BAZ2B: variants seen among roughly 807,000 people sequenced by gnomAD.
BAZ2B encodes bromodomain adjacent to zinc finger domain protein 2B.
A neutral mutation model predicts 246.0 loss-of-function variants in BAZ2B; 91 were observed. That is an observed-to-expected ratio of 0.37 (90% CI 0.31 to 0.44). BAZ2B has a LOEUF of 0.44. Ranked by LOEUF, BAZ2B falls within the 20% of genes least tolerant of loss-of-function variation. The pLI, the probability that BAZ2B is intolerant of heterozygous loss-of-function variation, is 1.00. For synonymous variants in BAZ2B, 855 were observed against 860.0 expected, an observed-to-expected ratio of 0.99 and a Z score of 0.10; for missense variants, 2,332 against 2,533.7, an observed-to-expected ratio of 0.92 and a Z score of 1.71.
chr2:159,513,755 G>A (rs534223090), intron 2 of BAZ2B, among the ~76,000 whole-genome samples: 1 of 152,288 alleles, frequency 6.6e-6, no homozygotes, highest in Non-Finnish European at 1.5e-5. Context: ...GGTGGTCCAT[G>A]ACTCCTTACA....
chr2:159,518,217 T>C (rs1448885898), intron 2 of BAZ2B, among the ~76,000 whole-genome samples: 4 of 152,262 alleles, frequency 2.6e-5, no homozygotes, highest in Non-Finnish European at 5.9e-5. Flanking sequence ...AAATTTGATA[T>C]TTGGTTTCAC....
chr2:159,362,914 T>C (rs1009122200), intron 27 of BAZ2B, among the ~76,000 whole-genome samples: 1 of 152,098 alleles, frequency 6.6e-6, no homozygotes, highest in African/African-American at 2.4e-5. Flanking sequence ...TTATCTGTAA[T>C]ATGAGGCAAC....
chr2:159,570,234 G>C (rs145067930), intron 1 of BAZ2B, among the ~76,000 whole-genome samples: 3,024 of 150,976 alleles, frequency 0.02, 48 homozygotes, highest in Non-Finnish European at 0.026. Flanking sequence ...GCCCAGGCTG[G>C]AGTGCAGTGG....
intron 1 of BAZ2B, among the ~76,000 whole-genome samples, chr2:159,603,205 ATACT>A (rs1692590669): frequency 1.3e-5 from 2 of 152,258 alleles, no homozygotes; most frequent in Admixed American, 6.5e-5. Context: ...GTCTTTTAAA[ATACT>A]TAATGACAAG....
At chr2:159,541,192 C>T (rs1416769271) in intron 2 of BAZ2B, among the ~76,000 whole-genome samples, 2 of 152,180 alleles carry the variant, frequency 1.3e-5, no homozygotes, top group East Asian at 1.9e-4. Context: ...CAATTAAAAT[C>T]GGGTTGTTGA....
intron 2 of BAZ2B, among the ~76,000 whole-genome samples, chr2:159,504,626 T>C (rs781759388): frequency 4.6e-4 from 70 of 152,230 alleles, no homozygotes; most frequent in Non-Finnish European, 8.2e-4. Flanking sequence ...CACTAGTTTA[T>C]TTGTGTAAGC....
At chr2:159,387,878 T>C (rs2062826086) in intron 21 of BAZ2B, among the ~76,000 whole-genome samples, 1 of 152,090 alleles carries the variant, frequency 6.6e-6, no homozygotes, top group South Asian at 2.1e-4. Context: ...CTTAGGAAAA[T>C]TTAAATATCC....
At chr2:159,609,945 C>T (rs1694353982) in intron 1 of BAZ2B, among the ~76,000 whole-genome samples, 1 of 152,156 alleles carries the variant, frequency 6.6e-6, no homozygotes, top group African/African-American at 2.4e-5. Context: ...AAGCCAAATC[C>T]CAGCACTATT....
chr2:159,628,429 G>T, the BAZ2B span, among the ~76,000 whole-genome samples: 2 of 152,132 alleles, frequency 1.3e-5, no homozygotes, highest in Admixed American at 1.3e-4. Context: ...ATACTACAAG[G>T]CTACAGTAAT....
chr2:159,502,865 T>C (rs927184496), intron 2 of BAZ2B, among the ~76,000 whole-genome samples: 2 of 152,214 alleles, frequency 1.3e-5, no homozygotes, highest in East Asian at 1.9e-4. Flanking sequence ...CTCGTCCATT[T>C]AGTAATCTTG....
intron 2 of BAZ2B, among the ~76,000 whole-genome samples, chr2:159,527,899 T>C (rs1199607133): frequency 2.6e-5 from 4 of 152,096 alleles, no homozygotes; most frequent in African/African-American, 9.7e-5. Context: ...TGCTCTAAAC[T>C]TGGAAGCCTT....
chr2:159,690,059 T>G, the BAZ2B span: 2 of 442,762 alleles, frequency 4.5e-6, no homozygotes, highest in Non-Finnish European at 8.1e-6. Flanking sequence ...ATGTCTTCAG[T>G]AATCAGTTTG....
At position 159,349,947 on chromosome 2, in the gene BAZ2B, G is replaced by A; in HGVS notation, c.4624C>T (p.Pro1542Ser). Residue 1542 changes from proline to serine, a missense_variant, in exon 28 of 37, where the codon CCT becomes TCT. By Grantham distance (74) the Pro-to-Ser change is moderately conservative. Around this residue, in one of 9 missense-constraint regions of BAZ2B, gnomAD observed 676 missense variants for 668.6 expected, o/e 1.01. Coordinates refer to ENST00000392783, the MANE Select transcript of BAZ2B (RefSeq NM_013450.4). ...GSSGPGKFYS[P>S]LPNDQLLKTL... ...TTTAGTAACTGGTCATTGGGGAGAG[G>A]ACTGTAGAACTTCCCTGGACCACTT... 6.2e-7 allele frequency: 1 copy of A among 1,614,146 alleles called. No individual in the cohort carries two copies. The highest frequency in any genetic ancestry group is 8.5e-7 in the Non-Finnish European group (1 of 1,179,990).
intron 27 of BAZ2B, among the ~76,000 whole-genome samples, chr2:159,365,248 T>C (rs1322308726): frequency 2.6e-5 from 4 of 152,190 alleles, no homozygotes; most frequent in Non-Finnish European, 5.9e-5. Context: ...ACGGGCAGTA[T>C]AGAATGCTGG....
intron 6 of BAZ2B, among the ~76,000 whole-genome samples, chr2:159,440,916 C>T (rs2073276692): frequency 6.6e-6 from 1 of 152,116 alleles, no homozygotes; most frequent in South Asian, 2.1e-4. Context: ...CTTGAGTTTT[C>T]TTCCCTCAAA....
At chr2:159,694,572 T>C in the BAZ2B span, 1 of 152,192 alleles carries the variant, frequency 6.6e-6, no homozygotes, top group Non-Finnish European at 1.5e-5. Context: ...GTGATATAAA[T>C]GGAATAATAC....
At chr2:159,674,965 T>C in the BAZ2B span, among the ~76,000 whole-genome samples, 2 of 152,206 alleles carry the variant, frequency 1.3e-5, no homozygotes, top group African/African-American at 2.4e-5. Flanking sequence ...TTTTGTATGA[T>C]TTTGTATTTG....
intron 2 of BAZ2B, among the ~76,000 whole-genome samples, chr2:159,528,282 C>A (rs1406300525): frequency 6.6e-6 from 1 of 151,838 alleles, no homozygotes; most frequent in Non-Finnish European, 1.5e-5. Flanking sequence ...AGACATGATG[C>A]AAATCTACAT....
chr2:159,556,470 G>T (rs2089144366), intron 1 of BAZ2B, among the ~76,000 whole-genome samples: 1 of 152,080 alleles, frequency 6.6e-6, no homozygotes, highest in African/African-American at 2.4e-5. Flanking sequence ...GGAATTTTTT[G>T]TTGTTTTTTC....
Sources: allele counts gnomAD v4.1 joint callset (sites outside exome capture counted in the v4.1 genomes callset), GRCh38; gene constraint gnomAD v4.1.1; regional missense constraint gnomAD v4.1.1; transcripts MANE v1.5; gene names NCBI Gene and HGNC (gene_info 2026-07-23, HGNC 2026-07-21).